The following KCTD20 variants were observed in gnomAD, a reference collection of about 807,000 sequenced individuals.
KCTD20 encodes potassium channel tetramerization domain containing 20.
A neutral mutation model predicts 39.6 loss-of-function variants in KCTD20; 30 were observed. The observed-to-expected ratio is 0.76, with a 90% CI of 0.57 to 1.03. KCTD20 has a LOEUF of 1.03. Ranked by LOEUF, KCTD20 falls within the 50% of genes least tolerant of loss-of-function variation. The pLI, the probability that KCTD20 is intolerant of heterozygous loss-of-function variation, is 0.00. For synonymous variants in KCTD20, 162 were observed against 180.6 expected (o/e 0.90, Z 0.83); for missense variants, 422 against 522.0 (o/e 0.81, Z 1.87).
At chr6:36,468,316 A>C (rs548328527) in intron 1 of KCTD20, among the ~76,000 whole-genome samples, 1 of 152,322 alleles carries the variant, frequency 6.6e-6, no homozygotes, top group East Asian at 1.9e-4. Flanking sequence ...CATGATAACA[A>C]AACGATTTTC....
chr6:36,466,356 C>G (rs1483530549), intron 1 of KCTD20, among the ~76,000 whole-genome samples: 1 of 151,272 alleles, frequency 6.6e-6, no homozygotes, highest in Non-Finnish European at 1.5e-5. Flanking sequence ...AGCCACTGGG[C>G]CTGGCTGTGT....
chr6:36,471,122 G>A (rs946986400), intron 2 of KCTD20, among the ~76,000 whole-genome samples: 8 of 145,024 alleles, frequency 5.5e-5, no homozygotes, highest in African/African-American at 2.1e-4. Context: ...CTGCGCTCCA[G>A]CCTGGGCAAG....
chr6:36,466,932 C>CTGGGA (rs1775772809), intron 1 of KCTD20, among the ~76,000 whole-genome samples: 1 of 152,086 alleles, frequency 6.6e-6, no homozygotes, highest in Admixed American at 6.6e-5. Context: ...TTCCATCATT[C>CTGGGA]TGGGATTTTA....
intron 1 of KCTD20, among the ~76,000 whole-genome samples, chr6:36,464,916 C>T (rs1775698893): frequency 6.6e-6 from 1 of 152,130 alleles, no homozygotes; most frequent in Non-Finnish European, 1.5e-5. Context: ...TGGCATCCTA[C>T]TTCATTTTCA....
intron 1 of KCTD20, among the ~76,000 whole-genome samples, chr6:36,454,878 C>A (rs1271615825): frequency 1.4e-5 from 2 of 145,332 alleles, no homozygotes; most frequent in Admixed American, 1.4e-4. Context: ...GAACTCCTGA[C>A]CTCAGGTGAT....
chr6:36,475,520 A>C (rs1776038064), intron 3 of KCTD20, among the ~76,000 whole-genome samples: 1 of 152,182 alleles, frequency 6.6e-6, no homozygotes, highest in Admixed American at 6.5e-5. Flanking sequence ...AGCTGGTAAA[A>C]GCCTAATACA....
In KCTD20 at chr6:36,487,987, ACT is replaced by A. The variant is rs1433680550; in HGVS notation, c.*815_*816del. The A allele has an allele frequency of 1.3e-5, 2 of 152,182 alleles. No homozygotes were observed. Among genetic ancestry groups the A allele is most frequent in the African/African-American group, 4.8e-5 (2 of 41,452 alleles). 9.4% of individuals were successfully genotyped at this position (152,182 alleles called of 1,614,324 possible). On this transcript the variant is annotated 3_prime_UTR_variant, in exon 8 of 8. Transcript: ENST00000373731. ...CTGGTGTGAAACCATAGGTCTTAAC[ACT>A]CTGGAGCAGCACATTGCTGTGGATA...
At chr6:36,478,539 TTGAG>T (rs1188989100) in intron 3 of KCTD20, among the ~76,000 whole-genome samples, 2 of 152,138 alleles carry the variant, frequency 1.3e-5, no homozygotes, top group Non-Finnish European at 2.9e-5. Flanking sequence ...ATTCTTTGTA[TTGAG>T]TAAGGCCATT....
intron 2 of KCTD20, among the ~76,000 whole-genome samples, chr6:36,470,606 T>A (rs1219374685): frequency 6.6e-6 from 1 of 152,140 alleles, no homozygotes; most frequent in Admixed American, 6.5e-5. Context: ...TTTTTTATTT[T>A]TATTTTTATT....
rs1406724605 is a variant in KCTD20 at position 36,487,193 on chromosome 6, C to A, written c.*18C>A. 3 of 1,597,984 alleles carry A rather than the reference C, an allele frequency of 1.9e-6. No homozygotes were observed. The highest frequency in any genetic ancestry group is 1.7e-6 in the Non-Finnish European group (2 of 1,171,086). On this transcript the variant is annotated 3_prime_UTR_variant, in exon 8 of 8. Transcript: ENST00000373731. ...AGGATTAGGGCCAGCTGTGGGTCTA[C>A]TCCTTGTTGGAGCCCATCTCACCTG...
In KCTD20 at chr6:36,458,253, C is replaced by T. The variant is rs116688738; in HGVS notation, c.-46-11799C>T. Among the ~76,000 whole-genome samples, 873 of 151,688 alleles carry T rather than the reference C, an allele frequency of 5.8e-3. 8 individuals are homozygous for T. The highest frequency in any genetic ancestry group is 0.02 in the African/African-American group (828 of 41,408). ...TATTTTTATTTTTGTAGAGAAAGGT[C>T]TAGGCCGGGTGCGGTGGCTCATGCC... On this transcript the variant is annotated intron_variant, in intron 1 of 7. Coordinates refer to ENST00000373731, the MANE Select transcript of KCTD20 (RefSeq NM_173562.5).
intron 1 of KCTD20, chr6:36,443,445 G>C (rs1288259651): frequency 6.6e-6 from 1 of 152,218 alleles, no homozygotes; most frequent in Non-Finnish European, 1.5e-5. Context: ...CCGCCGGAGA[G>C]GAATGGCGAG....
At chr6:36,459,817 A>G (rs1471997080) in intron 1 of KCTD20, among the ~76,000 whole-genome samples, 2 of 152,232 alleles carry the variant, frequency 1.3e-5, no homozygotes, top group Non-Finnish European at 2.9e-5. Context: ...CTGTTACTAT[A>G]GTACTGATTT....
chr6:36,474,859 C>T lies in KCTD20; in HGVS notation c.231C>T (p.Asp77=), dbSNP rs1229836574. The T allele has an allele frequency of 6.2e-7, 1 of 1,614,170 alleles. No homozygotes were observed. Among genetic ancestry groups the T allele is most frequent in the Non-Finnish European group, 8.5e-7 (1 of 1,180,008 alleles). ...QFPHIMPLAE[D]IKGSCFQSGN... is the part of the protein sequence containing the mutation. Reference sequence around the variant, plus strand: ...CTCACATAATGCCCCTTGCTGAAGACATCAAAGGTTCTTGCTTCCAAAGTG... The same window carrying T: ...CTCACATAATGCCCCTTGCTGAAGATATCAAAGGTTCTTGCTTCCAAAGTG... Residue 77 remains aspartate, a synonymous_variant, in exon 3 of 8, where the codon GAC becomes GAT. Transcript: ENST00000373731.
chr6:36,479,367 A>G lies in KCTD20; in HGVS notation c.537+144A>G, dbSNP rs564212047. 322 of 712,324 alleles carry G rather than the reference A, an allele frequency of 4.5e-4. 3 individuals are homozygous for G. In the South Asian group the frequency reaches 6.1e-3, roughly 14 times the overall value. 44.1% of individuals were successfully genotyped at this position (712,324 alleles called of 1,614,324 possible). On this transcript the variant is annotated intron_variant, in intron 4 of 7. Coordinates refer to ENST00000373731, the MANE Select transcript of KCTD20 (RefSeq NM_173562.5). ...TTCTCCCTTTGTTTTCTATTCCTGT[A>G]ACTTTTAAGTCCTTGCTTGTTTGTA...
chr6:36,448,015 G>GTATATATATATATA (rs70975158), intron 1 of KCTD20, among the ~76,000 whole-genome samples: 7 of 128,938 alleles, frequency 5.4e-5, no homozygotes, highest in African/African-American at 1.4e-4. Flanking sequence ...ATGTGTGTGT[G>GTATATATATATATA]TATATATATA....
chr6:36,479,161 A>C lies in KCTD20; in HGVS notation c.475A>C (p.Asn159His), dbSNP rs1475613977. The change falls in exon 4 of 8, where the codon AAT becomes CAT. Residue 159 changes from asparagine to histidine, a missense_variant. Transcript: ENST00000373731. ...PGREYNFTRP[N>H]EKGEYEIAEG... The stretch of plus-strand genomic sequence containing the variant: ...AAGAGAGTACAACTTCACTCGGCCC[A>C]ATGAGAAGGGAGAGTATGAGATTGC... 1 of 1,614,060 alleles carries C rather than the reference A, an allele frequency of 6.2e-7. No individual in the cohort carries two copies. The highest frequency in any genetic ancestry group is 2.2e-5 in the East Asian group (1 of 44,884).
intron 4 of KCTD20, 37 bp downstream of exon 4, chr6:36,479,260 A>AG (rs1491330032): frequency 7.0e-7 from 1 of 1,435,318 alleles, no homozygotes; most frequent in Non-Finnish European, 9.8e-7. Context: ...TCTCTTCCTC[A>AG]GGGGCATGTG....
rs1484003492 is a variant in KCTD20, at chr6:36,489,353, C to T, written c.*2178C>T. The T allele has an allele frequency of 6.6e-6, 1 of 152,148 alleles. No homozygotes were observed. Among genetic ancestry groups the T allele is most frequent in the Non-Finnish European group, 1.5e-5 (1 of 68,036 alleles). 9.4% of individuals were successfully genotyped at this position (152,148 alleles called of 1,614,324 possible). ...CTGTCCTGTGTAACCCTTTACTTTG[C>T]TCAGGCTTTCAAGATTGAGTCTTTT... On this transcript the variant is annotated 3_prime_UTR_variant, in exon 8 of 8. Transcript: ENST00000373731.
Sources: gnomAD v4.1 joint callset for allele counts (sites outside exome capture counted in the v4.1 genomes callset) on GRCh38, gnomAD v4.1.1 for gene constraint, MANE v1.5 for transcripts, NCBI Gene and HGNC (gene_info 2026-07-23, HGNC 2026-07-21) for gene names.